Variants in IFTAP observed in about 807,000 individuals in gnomAD.
The protein encoded by IFTAP is intraflagellar transport associated protein, also known as intraflagellar transport-associated protein.
Under a neutral mutation model 19.4 loss-of-function variants are expected in IFTAP, and 19 were observed. That is an observed-to-expected ratio of 0.98 (90% CI 0.68 to 1.44). The LOEUF is 1.44. Among genes scored for constraint, IFTAP ranks in the 40% most tolerant of loss-of-function variants. The probability of loss-of-function intolerance (pLI) is 0.00; values close to 1 mark genes in which losing one functional copy is unlikely to be tolerated. For missense variants in IFTAP, 240 were observed against 253.6 expected, an observed-to-expected ratio of 0.95 and a Z score of 0.36; for synonymous variants, 85 against 83.5, an observed-to-expected ratio of 1.02 and a Z score of -0.10.
At chr11:36,654,233 TG>T in intron 5 of IFTAP, among the ~76,000 whole-genome samples, 1 of 152,188 alleles carries the variant, frequency 6.6e-6, no homozygotes, top group South Asian at 2.1e-4. Flanking sequence ...TTCCTTTTAA[TG>T]GATCTCTCTA....
intron 4 of IFTAP, among the ~76,000 whole-genome samples, chr11:36,646,545 G>A (rs1037589921): frequency 1.3e-5 from 2 of 152,150 alleles, no homozygotes; most frequent in African/African-American, 4.8e-5. Context: ...CCATGCTAAT[G>A]TGTTATAGTA....
At chr11:36,643,995 A>G (rs899631678) in intron 4 of IFTAP, among the ~76,000 whole-genome samples, 1 of 152,256 alleles carries the variant, frequency 6.6e-6, no homozygotes, top group Non-Finnish European at 1.5e-5. Flanking sequence ...AAAATTGACA[A>G]GTGGAATCTA....
intron 2 of IFTAP, among the ~76,000 whole-genome samples, chr11:36,616,234 C>G (rs1243169297): frequency 6.6e-6 from 1 of 151,982 alleles, no homozygotes; most frequent in Non-Finnish European, 1.5e-5. Context: ...TTTCTATTCA[C>G]TGCCATAGTT....
chr11:36,643,990 T>C (rs1274546280), intron 4 of IFTAP, among the ~76,000 whole-genome samples: 2 of 152,048 alleles, frequency 1.3e-5, no homozygotes, highest in Non-Finnish European at 2.9e-5. Context: ...AAGCCAAAAT[T>C]GACAAGTGGA....
chr11:36,646,605 T>G (rs1853494329), intron 4 of IFTAP, among the ~76,000 whole-genome samples: 1 of 152,104 alleles, frequency 6.6e-6, no homozygotes, highest in African/African-American at 2.4e-5. Context: ...TCCAGTAAAA[T>G]AAAATATGTA....
chr11:36,629,100 G>A (rs1210952630), intron 2 of IFTAP, among the ~76,000 whole-genome samples: 1 of 151,332 alleles, frequency 6.6e-6, no homozygotes, highest in Non-Finnish European at 1.5e-5. Flanking sequence ...TATCGCTCCA[G>A]GGGAGGCCAG....
At chr11:36,650,381 A>G (rs147152368) in intron 5 of IFTAP, among the ~76,000 whole-genome samples, 1 of 151,858 alleles carries the variant, frequency 6.6e-6, no homozygotes, top group African/African-American at 2.4e-5. Context: ...GTTTTTTTTA[A>G]TTTTTAAATT....
chr11:36,652,922 G>A (rs1306959591), intron 5 of IFTAP, among the ~76,000 whole-genome samples: 3 of 151,972 alleles, frequency 2.0e-5, no homozygotes, highest in Non-Finnish European at 2.9e-5. Context: ...GTTTGAAGCT[G>A]CTTCAAGCTG....
At chr11:36,619,247 C>G (rs952303636) in intron 2 of IFTAP, among the ~76,000 whole-genome samples, 2 of 151,972 alleles carry the variant, frequency 1.3e-5, no homozygotes, top group Non-Finnish European at 2.9e-5. Context: ...ACTACTCATA[C>G]TTGACAGCTT....
intron 2 of IFTAP, among the ~76,000 whole-genome samples, chr11:36,628,009 CT>C (rs559143986): frequency 0.1 from 14,542 of 144,106 alleles, 1,161 homozygotes; most frequent in African/African-American, 0.16. Context: ...CTTGCGAACT[CT>C]TTTTTTTTTT....
chr11:36,653,393 C>T lies in IFTAP; in HGVS notation c.498+5238C>T, dbSNP rs555268990. 4.6e-5 allele frequency among the ~76,000 whole-genome samples: 7 copies of T among 152,178 alleles called. No homozygotes were observed. The South Asian group carries it at 1.5e-3, about 32-fold the overall frequency. ...GAAATCCACATATTTCTTTCAGCTCCTTAGGCAAAAATAACAAGTTAATAA... is the reference window on the plus strand; with the variant it reads ...GAAATCCACATATTTCTTTCAGCTCTTTAGGCAAAAATAACAAGTTAATAA... On this transcript the variant is annotated intron_variant, in intron 5 of 5. Coordinates refer to ENST00000334307, the MANE Select transcript of IFTAP (RefSeq NM_138787.4).
At chr11:36,651,736 G>A (rs1011491160) in intron 5 of IFTAP, among the ~76,000 whole-genome samples, 1 of 152,194 alleles carries the variant, frequency 6.6e-6, no homozygotes, top group African/African-American at 2.4e-5. Flanking sequence ...TGAGTAAGGT[G>A]TAAGGAAGGG....
chr11:36,651,420 T>C (rs908556203), intron 5 of IFTAP, among the ~76,000 whole-genome samples: 5 of 152,230 alleles, frequency 3.3e-5, no homozygotes, highest in African/African-American at 4.8e-5. Context: ...TCTTGTAAAT[T>C]TGTTTAAGTT....
intron 2 of IFTAP, among the ~76,000 whole-genome samples, chr11:36,616,336 CTCA>C (rs1852088459): frequency 6.6e-6 from 1 of 151,784 alleles, no homozygotes. Flanking sequence ...TTATGCTATT[CTCA>C]TTTCACTTGC....
chr11:36,602,887 C>T (rs966204046), intron 1 of IFTAP, among the ~76,000 whole-genome samples: 3 of 151,476 alleles, frequency 2.0e-5, no homozygotes, highest in African/African-American at 2.4e-5. Flanking sequence ...ATTTCAAAAA[C>T]AATGGATTTC....
At chr11:36,602,668 T>C (rs1254502220) in intron 1 of IFTAP, among the ~76,000 whole-genome samples, 2 of 152,206 alleles carry the variant, frequency 1.3e-5, no homozygotes, top group African/African-American at 4.8e-5. Flanking sequence ...ATATAGTTGA[T>C]AGCATTTCTG....
intron 5 of IFTAP, among the ~76,000 whole-genome samples, chr11:36,648,710 T>A (rs1853590139): frequency 6.6e-6 from 1 of 152,088 alleles, no homozygotes; most frequent in Non-Finnish European, 1.5e-5. Flanking sequence ...TGTCCTCACC[T>A]GCGTGTTCCA....
chr11:36,603,361 C>T (rs1481866782), intron 1 of IFTAP, among the ~76,000 whole-genome samples: 1 of 152,154 alleles, frequency 6.6e-6, no homozygotes, highest in Admixed American at 6.5e-5. Flanking sequence ...TTCCAACATT[C>T]TTGGTAAACT....
At chr11:36,649,344 C>T (rs780309149) in intron 5 of IFTAP, among the ~76,000 whole-genome samples, 23 of 152,188 alleles carry the variant, frequency 1.5e-4, no homozygotes, top group Non-Finnish European at 2.4e-4. Context: ...TAGGGACAGC[C>T]ACTTTTCAAT....
Sources: allele counts gnomAD v4.1 joint callset (sites outside exome capture counted in the v4.1 genomes callset), GRCh38; gene constraint gnomAD v4.1.1; transcripts MANE v1.5; gene names NCBI Gene and HGNC (gene_info 2026-07-23, HGNC 2026-07-21).